The following SEMA6D variants were observed in gnomAD, a reference collection of about 807,000 sequenced individuals.
SEMA6D encodes semaphorin 6D.
SEMA6D carries 35 observed loss-of-function variants against 106.6 expected under a neutral mutation model. That is an observed-to-expected ratio of 0.33 (90% CI 0.25 to 0.44). The LOEUF (loss-of-function observed/expected upper bound fraction) is 0.44. Ranked by LOEUF, SEMA6D falls within the 20% of genes least tolerant of loss-of-function variation. The pLI is 1.00. For missense variants in SEMA6D, 1,185 were observed against 1,345.9 expected, an observed-to-expected ratio of 0.88 and a Z score of 1.87; for synonymous variants, 499 against 487.7, an observed-to-expected ratio of 1.02 and a Z score of -0.31.
intron 1 of SEMA6D, among the ~76,000 whole-genome samples, chr15:47,333,571 T>C (rs1203870673): frequency 1.3e-5 from 2 of 152,160 alleles, no homozygotes; most frequent in African/African-American, 4.8e-5. Context: ...TATCAACATG[T>C]AATGGGATAT....
At chr15:47,617,125 G>A (rs966119136) in intron 4 of SEMA6D, among the ~76,000 whole-genome samples, 12 of 152,084 alleles carry the variant, frequency 7.9e-5, no homozygotes, top group African/African-American at 2.9e-4. Context: ...TTGATCTCCT[G>A]GTTAGTCAAG....
intron 3 of SEMA6D, among the ~76,000 whole-genome samples, chr15:47,478,844 T>C (rs1287179007): frequency 2.6e-5 from 4 of 152,124 alleles, no homozygotes; most frequent in Non-Finnish European, 4.4e-5. Context: ...GGAGTCCTTA[T>C]AGTCATGACA....
intron 1 of SEMA6D, among the ~76,000 whole-genome samples, chr15:47,409,988 T>G (rs1292526929): frequency 6.6e-6 from 1 of 152,026 alleles, no homozygotes; most frequent in East Asian, 1.9e-4. Flanking sequence ...AACCAAATAT[T>G]TAAGAAATTT....
intron 3 of SEMA6D, among the ~76,000 whole-genome samples, chr15:47,548,610 T>C (rs1173701032): frequency 6.6e-6 from 1 of 152,078 alleles, no homozygotes; most frequent in Non-Finnish European, 1.5e-5. Context: ...AACATTGTGC[T>C]CCATAAAAAA....
intron 3 of SEMA6D, among the ~76,000 whole-genome samples, chr15:47,551,445 G>C (rs1342310372): frequency 2.0e-5 from 3 of 152,142 alleles, no homozygotes; most frequent in African/African-American, 7.2e-5. Context: ...ACACAGACTG[G>C]TGTTATGCCA....
Position 47,367,370 on chromosome 15 carries a change from G to A in SEMA6D, c.-238-45023G>A, listed in dbSNP as rs188754501. On this transcript the variant is annotated intron_variant, in intron 1 of 19. Coordinates refer to the SEMA6D transcript ENST00000558014. Reference sequence around the variant, plus strand: ...GCATTTGCTAGACAGCAACCCTCAGGTCATTTAGAGACCTACTTGGTACTG... The same window carrying A: ...GCATTTGCTAGACAGCAACCCTCAGATCATTTAGAGACCTACTTGGTACTG... Among the ~76,000 whole-genome samples the A allele has an allele frequency of 3.5e-3, 534 of 152,186 alleles. 3 individuals are homozygous for A. The highest frequency in any genetic ancestry group is 4.4e-3 in the Non-Finnish European group (299 of 68,028).
intron 3 of SEMA6D, among the ~76,000 whole-genome samples, chr15:47,571,800 G>T (rs543396557): frequency 6.6e-6 from 1 of 152,274 alleles, no homozygotes; most frequent in East Asian, 1.9e-4. Flanking sequence ...GAAAATGTGG[G>T]TCTCAAAATT....
intron 1 of SEMA6D, among the ~76,000 whole-genome samples, chr15:47,259,579 C>T (rs992605217): frequency 2.0e-5 from 3 of 151,878 alleles, no homozygotes; most frequent in African/African-American, 7.2e-5. Context: ...GGTAGTGTGT[C>T]ATTTCTCTGT....
Position 47,770,734 on chromosome 15 carries a change from C to T in SEMA6D, c.2171C>T (p.Pro724Leu). Residue 724 changes from proline to leucine, a missense_variant, in exon 19 of 19, where the codon CCT (proline) becomes CTT (leucine). Coordinates refer to ENST00000536845, the MANE Select transcript of SEMA6D (RefSeq NM_001358351.3). ...FAKLNGLFDS[P>L]VKEYQQNIDS... is the part of the protein sequence containing the mutation. ...AAACTGAATGGTCTCTTTGACAGCC[C>T]TGTCAAGGAATACCAACAGAATATT... is the stretch of plus-strand genomic sequence containing the variant. 6.2e-7 allele frequency: 1 copy of T among 1,614,132 alleles called. No individual in the cohort carries two copies. The highest frequency in any genetic ancestry group is 1.1e-5 in the South Asian group (1 of 91,076).
chr15:47,723,833 C>T (rs1415253696), intron 1 of SEMA6D, among the ~76,000 whole-genome samples: 1 of 152,104 alleles, frequency 6.6e-6, no homozygotes, highest in East Asian at 1.9e-4. Flanking sequence ...GTTTTTAAAG[C>T]CCAATATGTT....
intron 4 of SEMA6D, among the ~76,000 whole-genome samples, chr15:47,698,509 G>T (rs1342613191): frequency 1.3e-5 from 2 of 152,138 alleles, no homozygotes; most frequent in African/African-American, 4.8e-5. Flanking sequence ...AGAGGGAAAT[G>T]AAAAATGTGT....
At chr15:47,337,670 G>A (rs560587231) in intron 1 of SEMA6D, among the ~76,000 whole-genome samples, 4 of 152,206 alleles carry the variant, frequency 2.6e-5, no homozygotes, top group East Asian at 1.9e-4. Context: ...CAATGGAAGC[G>A]TCAGTTGTCT....
upstream of SEMA6D, chr15:47,716,899 T>A (rs2079129530): frequency 1.6e-5 from 2 of 127,738 alleles, no homozygotes; most frequent in South Asian, 5.6e-4. Flanking sequence ...TCCCAGCTGT[T>A]TTGCTTAGTG....
intron 2 of SEMA6D, among the ~76,000 whole-genome samples, chr15:47,454,723 G>A (rs1055312002): frequency 5.9e-5 from 9 of 151,732 alleles, no homozygotes; most frequent in African/African-American, 1.5e-4. Context: ...AACTTTTCAC[G>A]TACATTTTTT....
intron 4 of SEMA6D, among the ~76,000 whole-genome samples, chr15:47,657,719 CTTTTTTTTTTTTTTTTTTTT>C (rs71118191): frequency 3.3e-4 from 18 of 54,676 alleles, no homozygotes; most frequent in African/African-American, 1.0e-3. Flanking sequence ...GGCTTCATTT[CTTTTTTTTTTTTTTTTTTTT>C]TTTTTTTTTT....
Position 47,457,475 on chromosome 15 carries a change from T to C in SEMA6D, c.-158-12999T>C, listed in dbSNP as rs533244866. On this transcript the variant is annotated intron_variant, in intron 2 of 19. Transcript: ENST00000558014. The stretch of plus-strand genomic sequence containing the variant: ...ATGTTCAAGAAAGTAAAAGAAAGCA[T>C]GAGCATGCTAAGCACAGATATGGAG... Among the ~76,000 whole-genome samples, 6 of 151,998 alleles carry C rather than the reference T, an allele frequency of 3.9e-5. No homozygotes were observed. The South Asian group carries it at 1.2e-3, about 32-fold the overall frequency.
At chr15:47,434,211 A>G (rs2041629123) in intron 2 of SEMA6D, among the ~76,000 whole-genome samples, 1 of 152,116 alleles carries the variant, frequency 6.6e-6, no homozygotes, top group Non-Finnish European at 1.5e-5. Context: ...TGAGGGAGAA[A>G]GGGAAGAACA....
At chr15:47,384,949 G>T (rs2039779856) in intron 1 of SEMA6D, among the ~76,000 whole-genome samples, 1 of 145,682 alleles carries the variant, frequency 6.9e-6, no homozygotes, top group Non-Finnish European at 1.5e-5. Flanking sequence ...AACGAAGGCT[G>T]ATTTCTAGCA....
intron 1 of SEMA6D, among the ~76,000 whole-genome samples, chr15:47,224,208 A>G (rs1421001579): frequency 6.6e-6 from 1 of 151,864 alleles, no homozygotes; most frequent in East Asian, 1.9e-4. Context: ...AAAAAAAAGA[A>G]ATACTATTTG....
Sources: allele counts gnomAD v4.1 joint callset (sites outside exome capture counted in the v4.1 genomes callset), GRCh38; gene constraint gnomAD v4.1.1; transcripts MANE v1.5; gene names NCBI Gene and HGNC (gene_info 2026-07-23, HGNC 2026-07-21).